Variants in VWDE observed in about 807,000 individuals in gnomAD.
VWDE encodes the protein von Willebrand factor D and EGF domain-containing protein.
VWDE carries 207 observed loss-of-function variants against 178.4 expected under a neutral mutation model. The observed-to-expected ratio is 1.16, with a 90% confidence interval of 1.04 to 1.30. The LOEUF is 1.30. VWDE is among the 50% of genes most tolerant of loss of function. The pLI is 0.00. For missense variants in VWDE, 2,287 were observed against 1,901.3 expected, an observed-to-expected ratio of 1.20 and a Z score of -3.77; for synonymous variants, 738 against 651.4, an observed-to-expected ratio of 1.13 and a Z score of -2.02.
At chr7:12,368,155 G>C (rs1782965023) in intron 12 of VWDE, among the ~76,000 whole-genome samples, 1 of 148,902 alleles carries the variant, frequency 6.7e-6, no homozygotes. Context: ...TTTATCTGTT[G>C]CTATTCTAGG....
At chr7:12,373,526 T>C (rs1237677153) in intron 9 of VWDE, among the ~76,000 whole-genome samples, 2 of 152,222 alleles carry the variant, frequency 1.3e-5, no homozygotes, top group East Asian at 3.9e-4. Flanking sequence ...ACTTGTTAAA[T>C]GTCACCCTCA....
chr7:12,374,860 ATTG>A, intron 8 of VWDE, 98 bp from the exon 9 acceptor site: 1 of 1,141,134 alleles, frequency 8.8e-7, no homozygotes, highest in Non-Finnish European at 1.2e-6. Flanking sequence ...TCAATTAATT[ATTG>A]TTTTTATCAT....
chr7:12,360,891 A>C (rs1243109669), intron 15 of VWDE, among the ~76,000 whole-genome samples: 1 of 152,200 alleles, frequency 6.6e-6, no homozygotes, highest in Non-Finnish European at 1.5e-5. Context: ...GGTAGGAGTG[A>C]AGTAGTAAAT....
At chr7:12,345,698 G>A (rs765265823) in intron 19 of VWDE, among the ~76,000 whole-genome samples, 1 of 152,128 alleles carries the variant, frequency 6.6e-6, no homozygotes, top group Non-Finnish European at 1.5e-5. Context: ...TTGGGTTCCT[G>A]CTTAAAGAGC....
intron 10 of VWDE, among the ~76,000 whole-genome samples, chr7:12,372,711 T>C (rs753793805): frequency 6.6e-6 from 1 of 152,092 alleles, no homozygotes; most frequent in Non-Finnish European, 1.5e-5. Context: ...TATTACACGT[T>C]GTTAAAAGTA....
intron 19 of VWDE, among the ~76,000 whole-genome samples, chr7:12,347,315 T>C (rs1361865180): frequency 2.0e-5 from 3 of 152,106 alleles, no homozygotes; most frequent in Non-Finnish European, 4.4e-5. Context: ...TTACAAAAAT[T>C]ACCATTAAAG....
chr7:12,340,277 T>C, intron 24 of VWDE, 45 bp downstream of exon 24: 1 of 1,429,128 alleles, frequency 7.0e-7, no homozygotes, highest in Non-Finnish European at 9.6e-7. Context: ...TGTTGATATC[T>C]AACTTTCCAT....
rs1352556953 is a variant in VWDE, at chr7:12,377,788, T to G, written c.1012A>C (p.Thr338Pro). The G allele has an allele frequency of 5.4e-6, 8 of 1,492,718 alleles. No homozygotes were observed. In the Admixed American group the frequency reaches 1.8e-4, roughly 33 times the overall value. The allele number at this position is 1,492,718 out of a possible 1,614,324, so 92.5% of individuals were successfully genotyped here. A position where few individuals can be genotyped will look rare whatever the true frequency, so the allele number is the denominator to read the frequency against. Residue 338 changes from threonine to proline, a missense_variant, in exon 7 of 29, where the codon ACT becomes CCT. By Grantham distance (38) the Thr-to-Pro change is conservative. Coordinates refer to ENST00000275358, the MANE Select transcript of VWDE (RefSeq NM_001135924.3). ...GTTAGTATATTACCTTGACCAATAG[T>G]TTTCAGTTTTAATGAGATTTTGCAT... ...QECKISLKLK[T>P]IGQGREHLGL...
chr7:12,398,769 A>T (rs1008491500), intron 1 of VWDE, among the ~76,000 whole-genome samples: 16 of 151,982 alleles, frequency 1.1e-4, no homozygotes, highest in African/African-American at 3.9e-4. Context: ...GGAGGCCATT[A>T]TCCTAAACAA....
chr7:12,346,017 T>C (rs1361261551), intron 19 of VWDE, among the ~76,000 whole-genome samples: 1 of 152,168 alleles, frequency 6.6e-6, no homozygotes, highest in Non-Finnish European at 1.5e-5. Flanking sequence ...TAGTCTTCTC[T>C]ACCTGAAATA....
chr7:12,358,825 C>A (rs1294423785), intron 16 of VWDE, among the ~76,000 whole-genome samples: 3 of 152,146 alleles, frequency 2.0e-5, no homozygotes, highest in Admixed American at 2.0e-4. Flanking sequence ...CTACATTTTT[C>A]CTCAAATTTC....
At chr7:12,333,376 A>G (rs1340101553) in intron 28 of VWDE, 89 bp downstream of exon 28, 3 of 788,500 alleles carry the variant, frequency 3.8e-6, no homozygotes, top group African/African-American at 3.6e-5. Flanking sequence ...GAAATAATAA[A>G]AAAACATTAA....
chr7:12,381,158 T>C (rs1431304693), intron 4 of VWDE, among the ~76,000 whole-genome samples: 2 of 152,226 alleles, frequency 1.3e-5, no homozygotes, highest in Non-Finnish European at 2.9e-5. Flanking sequence ...TTTTCTCTTA[T>C]AACTCAACTT....
intron 19 of VWDE, among the ~76,000 whole-genome samples, chr7:12,348,838 A>C (rs1162909420): frequency 6.6e-6 from 1 of 151,676 alleles, no homozygotes; most frequent in African/African-American, 2.4e-5. Flanking sequence ...AATGTCCAAC[A>C]ACGATAGACT....
chr7:12,351,705 G>C lies in VWDE; in HGVS notation c.3754C>G (p.Gln1252Glu), dbSNP rs978840118. Residue 1252 changes from glutamine (Q) to glutamate (E), a missense_variant, in exon 19 of 29, where the codon CAG becomes GAG. By Grantham distance (29) the Gln-to-Glu change is conservative. Coordinates refer to ENST00000275358, the MANE Select transcript of VWDE (RefSeq NM_001135924.3). ...DCPPELKVETQFVNQFTTQTV... is the reference protein window; with the variant it reads ...DCPPELKVETEFVNQFTTQTV... ...TGTGTAGTAAATTGATTTACAAACT[G>C]TGTTTCAACTGTAAATGAGAACAAG... 1 of 1,541,816 alleles carries C rather than the reference G, an allele frequency of 6.5e-7. No individual in the cohort carries two copies. Among genetic ancestry groups the C allele is most frequent in the Non-Finnish European group, 8.7e-7 (1 of 1,143,742 alleles).
rs1562507533 is a variant in VWDE at position 12,380,618 on chromosome 7, G to C, written c.657C>G (p.Asn219Lys). The change falls in exon 5 of 29, where the codon AAC becomes AAG. Residue 219 changes from asparagine (N) to lysine (K), a missense_variant. Transcript: ENST00000275358. ...RCSFDVPATK[N>K]SVGFHIAWSR... ...ACCAAGCTATGTGAAATCCCACTGA[G>C]TTTTTTGTAGCGGGAACATCAAAAG... is the stretch of plus-strand genomic sequence containing the variant. 8 of 1,552,162 alleles carry C rather than the reference G, an allele frequency of 5.2e-6. No individual in the cohort carries two copies. The South Asian group carries it at 7.1e-5, about 14-fold the overall frequency.
At position 12,371,930 on chromosome 7, in the gene VWDE, T is replaced by G. The variant is rs548555109; in HGVS notation, c.1587+1047A>C. Among the ~76,000 whole-genome samples the G allele has an allele frequency of 3.3e-5, 5 of 151,724 alleles. No individual in the cohort carries two copies. In the South Asian group the frequency reaches 1.0e-3, roughly 31 times the overall value. On this transcript the variant is annotated intron_variant, in intron 10 of 28. Transcript: ENST00000275358. ...TGGGGGTATGCACATCCTTAACTAT[T>G]TTTTTTTACAATAAATTTCCAGAAG...
intron 28 of VWDE, among the ~76,000 whole-genome samples, chr7:12,331,975 T>G (rs1395376302): frequency 1.3e-5 from 2 of 152,126 alleles, no homozygotes; most frequent in African/African-American, 4.8e-5. Flanking sequence ...ATTTCTTTTT[T>G]TTACCCACTA....
rs1781499904 is a variant in VWDE, at chr7:12,344,496, T to A, written c.3887-27A>T. On this transcript the variant is annotated intron_variant, in intron 19 of 28. Coordinates refer to ENST00000275358, the MANE Select transcript of VWDE (RefSeq NM_001135924.3). ...TAAAAAAAAATCAAAGAAAAAAAGG[T>A]TGATTGCTAAAACAGAACATACATA... 2.0e-6 allele frequency: 3 copies of A among 1,521,098 alleles called. No homozygotes were observed. In the Admixed American group the frequency reaches 6.1e-5, roughly 31 times the overall value. The allele number at this position is 1,521,098 out of a possible 1,614,324, so 94.2% of individuals were successfully genotyped here.
Sources: allele counts gnomAD v4.1 joint callset (sites outside exome capture counted in the v4.1 genomes callset), GRCh38; gene constraint gnomAD v4.1.1; transcripts MANE v1.5; gene names NCBI Gene and HGNC (gene_info 2026-07-23, HGNC 2026-07-21).